The following SGCD variants were observed in gnomAD, a reference collection of about 807,000 sequenced individuals.
SGCD encodes the protein delta-sarcoglycan.
A neutral mutation model predicts 36.6 loss-of-function variants in SGCD; 18 were observed. The observed-to-expected ratio is 0.49, with a 90% CI of 0.34 to 0.73. SGCD has a LOEUF of 0.73. Ranked by LOEUF, SGCD falls within the 30% of genes least tolerant of loss-of-function variation. SGCD has a pLI of 0.01. For missense variants in SGCD, 387 were observed against 346.7 expected (o/e 1.12, Z -0.92); for synonymous variants, 133 against 130.6 (o/e 1.02, Z -0.12).
chr5:156,323,651 T>C (rs1767731253), upstream of SGCD, among the ~76,000 whole-genome samples: 1 of 152,200 alleles, frequency 6.6e-6, no homozygotes, highest in Non-Finnish European at 1.5e-5. Context: ...AGTATCATAA[T>C]TTTTAACCGA....
chr5:156,354,598 C>G (rs981449639), intron 3 of SGCD, among the ~76,000 whole-genome samples: 36 of 152,128 alleles, frequency 2.4e-4, no homozygotes, highest in African/African-American at 8.7e-4. Context: ...TTGAGAGGAA[C>G]AATGTTAGAA....
intron 4 of SGCD, among the ~76,000 whole-genome samples, chr5:156,516,206 TCCTGACTAGGTGAGA>T (rs1194187833): frequency 2.6e-5 from 4 of 151,606 alleles, no homozygotes; most frequent in Non-Finnish European, 5.9e-5. Context: ...ATCCCATGCC[TCCTGACTAGGTGAGA>T]CCCCCCACAC....
chr5:156,508,007 A>C (rs1319796623), intron 3 of SGCD, among the ~76,000 whole-genome samples: 1 of 152,138 alleles, frequency 6.6e-6, no homozygotes, highest in African/African-American at 2.4e-5. Flanking sequence ...AGGTGGCAGT[A>C]ATAGATAATA....
At position 156,329,848 on chromosome 5, in the gene SGCD, T is replaced by C. The variant is rs148029798; in HGVS notation, c.3+269T>C. On this transcript the variant is annotated intron_variant, in intron 2 of 8. Transcript: ENST00000337851. ...CTGGCTAACACGGTGAAATCCCATC[T>C]ATACTAAAAATACCAAAAATTAGCC... Among the ~76,000 whole-genome samples the C allele has an allele frequency of 2.4e-3, 363 of 151,952 alleles. 6 individuals are homozygous for C. The East Asian group carries it at 0.032, about 14-fold the overall frequency.
rs2113369671 is a variant in SGCD at position 156,589,328 on chromosome 5, G to T, written c.382+10G>T. 1 of 1,520,396 alleles carries T rather than the reference G, an allele frequency of 6.6e-7. No individual in the cohort carries two copies. The highest frequency in any genetic ancestry group is 2.4e-5 in the East Asian group (1 of 42,440). 94.2% of individuals were successfully genotyped at this position (1,520,396 alleles called of 1,614,324 possible). ...ACTCAGCTTATAACAGGTAAGAAAA[G>T]GGAGAACTTAACAGTGCCTAGCCCA... On this transcript the variant is annotated intron_variant, in intron 5 of 8. Coordinates refer to ENST00000337851, the MANE Select transcript of SGCD (RefSeq NM_000337.6).
intron 1 of SGCD, among the ~76,000 whole-genome samples, chr5:156,116,530 C>T (rs1450317328): frequency 6.6e-6 from 1 of 152,012 alleles, no homozygotes; most frequent in African/African-American, 2.4e-5. Context: ...TCACAAAATA[C>T]CATAAGCAAT....
intron 3 of SGCD, among the ~76,000 whole-genome samples, chr5:156,303,298 T>A (rs554217592): frequency 1.3e-5 from 2 of 152,234 alleles, no homozygotes; most frequent in African/African-American, 4.8e-5. Context: ...CTACCATTGA[T>A]GTTCACTCTA....
intron 4 of SGCD, among the ~76,000 whole-genome samples, chr5:156,567,424 AG>A (rs1759539609): frequency 8.0e-6 from 1 of 124,710 alleles, no homozygotes; most frequent in Admixed American, 8.2e-5. Context: ...ATAGATAGAT[AG>A]ATAGATGGTA....
At chr5:156,363,172 T>C (rs897552196) in intron 3 of SGCD, among the ~76,000 whole-genome samples, 7 of 152,172 alleles carry the variant, frequency 4.6e-5, no homozygotes, top group Non-Finnish European at 7.4e-5. Context: ...GCATAATTAA[T>C]TTCAGTTAAT....
chr5:156,410,721 C>T (rs1772694967), intron 3 of SGCD, among the ~76,000 whole-genome samples: 1 of 152,156 alleles, frequency 6.6e-6, no homozygotes, highest in Non-Finnish European at 1.5e-5. Context: ...CAAGCTCCCC[C>T]ATGGTTTAGC....
At chr5:155,791,240 T>C in the SGCD span, among the ~76,000 whole-genome samples, 1 of 152,084 alleles carries the variant, frequency 6.6e-6, no homozygotes, top group African/African-American at 2.4e-5. Flanking sequence ...AAAAGCCTGC[T>C]GAACTTAAGG....
At chr5:156,229,245 T>TATATATACATACATAC (rs1764933604) in intron 3 of SGCD, among the ~76,000 whole-genome samples, 1 of 131,914 alleles carries the variant, frequency 7.6e-6, no homozygotes, top group African/African-American at 2.9e-5. Context: ...CATACATATA[T>TATATATACATACATAC]ATATATACAT....
chr5:155,818,725 T>C, the SGCD span, among the ~76,000 whole-genome samples: 1 of 152,108 alleles, frequency 6.6e-6, no homozygotes, highest in African/African-American at 2.4e-5. Flanking sequence ...CTCCCCATGC[T>C]GCCCAGACTG....
intron 1 of SGCD, among the ~76,000 whole-genome samples, chr5:155,963,964 T>C (rs1274451125): frequency 6.6e-6 from 1 of 152,108 alleles, no homozygotes; most frequent in Non-Finnish European, 1.5e-5. Context: ...TCAACAACAT[T>C]CGTTGTTCCT....
intron 1 of SGCD, among the ~76,000 whole-genome samples, chr5:155,926,510 TA>T (rs1461396803): frequency 6.6e-6 from 1 of 152,218 alleles, no homozygotes; most frequent in African/African-American, 2.4e-5. Flanking sequence ...AACAAATAGA[TA>T]TATAAAGTAA....
chr5:155,965,288 C>A (rs1287454841), intron 1 of SGCD, among the ~76,000 whole-genome samples: 1 of 152,100 alleles, frequency 6.6e-6, no homozygotes, highest in Non-Finnish European at 1.5e-5. Flanking sequence ...TTAAAGCTGC[C>A]TCCTCTGATG....
intron 3 of SGCD, among the ~76,000 whole-genome samples, chr5:156,440,996 G>A (rs1753466344): frequency 6.6e-6 from 1 of 151,992 alleles, no homozygotes; most frequent in South Asian, 2.1e-4. Flanking sequence ...GTTATTGTTT[G>A]TGCTTTTGGT....
In SGCD at chr5:156,621,199, T is replaced by G. The variant is rs189650664; in HGVS notation, c.502+26148T>G. On this transcript the variant is annotated intron_variant, in intron 6 of 8. Transcript: ENST00000337851. ...AGCTAAGCAAGAAAGTTAGATTTTTTTTCCCCCTTTGAGATAGAGTCTCAC... is the reference window on the plus strand; with the variant it reads ...AGCTAAGCAAGAAAGTTAGATTTTTGTTCCCCCTTTGAGATAGAGTCTCAC... 1.8e-3 allele frequency among the ~76,000 whole-genome samples: 277 copies of G among 152,276 alleles called. 1 individual carries two copies. The highest frequency in any genetic ancestry group is 6.2e-3 in the African/African-American group (259 of 41,564).
chr5:155,790,965 T>C, the SGCD span, among the ~76,000 whole-genome samples: 1 of 152,214 alleles, frequency 6.6e-6, no homozygotes, highest in East Asian at 1.9e-4. Context: ...TAAACAAAAA[T>C]AGAATAAGGG....
Sources: gnomAD v4.1 joint callset for allele counts (sites outside exome capture counted in the v4.1 genomes callset) on GRCh38, gnomAD v4.1.1 for gene constraint, MANE v1.5 for transcripts, NCBI Gene and HGNC (gene_info 2026-07-23, HGNC 2026-07-21) for gene names.